The following EMC3 variants were observed in gnomAD, a reference collection of about 807,000 sequenced individuals.
The protein encoded by EMC3 is ER membrane protein complex subunit 3.
Under a neutral mutation model 36.6 loss-of-function variants are expected in EMC3, and 13 were observed. The ratio of observed to expected loss-of-function variants is 0.35; its 90% CI spans 0.23 to 0.56. EMC3 has a LOEUF of 0.56. EMC3 is among the 20% of genes least tolerant of loss of function. EMC3 has a pLI of 0.84. For missense variants in EMC3, 220 were observed against 324.5 expected, an observed-to-expected ratio of 0.68 and a Z score of 2.47; for synonymous variants, 120 against 111.9, an observed-to-expected ratio of 1.07 and a Z score of -0.46.
intron 7 of EMC3, among the ~76,000 whole-genome samples, chr3:9,967,574 C>A (rs1019943394): frequency 2.0e-5 from 3 of 152,178 alleles, no homozygotes; most frequent in African/African-American, 7.2e-5. Flanking sequence ...ACCTATATCT[C>A]TCCTTATGCC....
chr3:9,998,263 G>T (rs2086152149), intron 1 of EMC3, among the ~76,000 whole-genome samples: 1 of 151,412 alleles, frequency 6.6e-6, no homozygotes, highest in Non-Finnish European at 1.5e-5. Context: ...CTACTTGGGA[G>T]GCTGAGGCAG....
intron 1 of EMC3, among the ~76,000 whole-genome samples, chr3:9,985,525 T>G (rs959603473): frequency 6.6e-6 from 1 of 152,212 alleles, no homozygotes; most frequent in African/African-American, 2.4e-5. Flanking sequence ...GGGAGAAAAC[T>G]ATTACTTTAA....
intron 1 of EMC3, among the ~76,000 whole-genome samples, chr3:9,978,484 ATAGTCTT>A (rs1287365387): frequency 6.6e-6 from 1 of 152,128 alleles, no homozygotes; most frequent in Non-Finnish European, 1.5e-5. Context: ...AGTAATGGAA[ATAGTCTT>A]GAAACGTGAA....
upstream of EMC3, among the ~76,000 whole-genome samples, chr3:9,991,192 C>T (rs2086047773): frequency 1.3e-5 from 2 of 152,110 alleles, no homozygotes; most frequent in African/African-American, 4.8e-5. Context: ...AAATTTTTAG[C>T]TTCAAGTGAT....
At chr3:9,969,380 T>C (rs1308228414) in intron 7 of EMC3, 1 of 1,150,002 alleles carries the variant, frequency 8.7e-7, no homozygotes, top group Admixed American at 4.6e-5. Flanking sequence ...GTATTGTTTT[T>C]TTAATGCAAT....
At chr3:10,001,257 C>A (rs2086195535) in intron 1 of EMC3, among the ~76,000 whole-genome samples, 1 of 151,998 alleles carries the variant, frequency 6.6e-6, no homozygotes, top group Non-Finnish European at 1.5e-5. Context: ...TATTTTGGCA[C>A]CCTTGTCAAA....
intron 1 of EMC3, among the ~76,000 whole-genome samples, chr3:9,999,695 C>T (rs1199372972): frequency 2.0e-5 from 3 of 152,070 alleles, no homozygotes; most frequent in African/African-American, 4.8e-5. Context: ...TTTATGTTTT[C>T]GAATGGTTCT....
chr3:9,976,612 T>A (rs2085852906), intron 3 of EMC3, among the ~76,000 whole-genome samples: 1 of 152,200 alleles, frequency 6.6e-6, no homozygotes, highest in Non-Finnish European at 1.5e-5. Context: ...AGGCACTGGG[T>A]GACAGCCAGG....
chr3:9,968,708 G>A lies in EMC3; in HGVS notation c.657+1011C>T, dbSNP rs182384535. 533 of 151,838 alleles carry A rather than the reference G, an allele frequency of 3.5e-3. 12 individuals are homozygous for A. The South Asian group carries it at 0.046, about 13-fold the overall frequency. The allele number at this position is 151,838 out of a possible 1,614,324, so 9.4% of individuals were successfully genotyped here. A position where few individuals can be genotyped will look rare whatever the true frequency, so the allele number is the denominator to read the frequency against. On this transcript the variant is annotated intron_variant, in intron 7 of 7. Coordinates refer to ENST00000245046, the MANE Select transcript of EMC3 (RefSeq NM_001394674.1). The stretch of plus-strand genomic sequence containing the variant: ...CATCCAGGCTGGAGTGCAGTGGCAC[G>A]ATCTTGGCTCACTACAGCCTCCGCC...
At chr3:10,008,017 A>G (rs1221050202) in intron 1 of EMC3, among the ~76,000 whole-genome samples, 1 of 152,124 alleles carries the variant, frequency 6.6e-6, no homozygotes, top group African/African-American at 2.4e-5. Flanking sequence ...TGTCCTTTAA[A>G]TCCACATTGG....
At position 9,986,587 on chromosome 3, in the gene EMC3, G is replaced by A; in HGVS notation, c.75C>T (p.Phe25=). The A allele has an allele frequency of 6.2e-7, 1 of 1,614,222 alleles. No homozygotes were observed. The highest frequency in any genetic ancestry group is 8.5e-7 in the Non-Finnish European group (1 of 1,180,036). Residue 25 remains phenylalanine (F), a synonymous_variant, in exon 1 of 8, where the codon TTC becomes TTT. Transcript: ENST00000245046. ...CGTAGTGGCGGATCATGCCTACGAA[G>A]AAAGTGATGATAACGATGGGTAGGA... ...WVVLPIVIIT[F]FVGMIRHYVS... is the part of the protein sequence containing the mutation.
At chr3:9,990,187 G>A (rs2086031002), upstream of EMC3, among the ~76,000 whole-genome samples, 1 of 151,472 alleles carries the variant, frequency 6.6e-6, no homozygotes, top group Non-Finnish European at 1.5e-5. Flanking sequence ...ACCACGCCCG[G>A]CTAATTTTTT....
At chr3:9,973,050 A>C (rs1470325012) in intron 5 of EMC3, among the ~76,000 whole-genome samples, 1 of 149,636 alleles carries the variant, frequency 6.7e-6, no homozygotes, top group Admixed American at 6.7e-5. Context: ...GGATGGTCTC[A>C]ATCTGACCTG....
intron 1 of EMC3, among the ~76,000 whole-genome samples, chr3:10,001,098 C>T (rs56387520): frequency 0.22 from 34,073 of 151,782 alleles, 4,393 homozygotes; most frequent in African/African-American, 0.36. Context: ...AAGGTTTTCT[C>T]TTATTTTCTT....
intron 5 of EMC3, 65 bp downstream of exon 5, chr3:9,973,563 G>A: frequency 6.9e-7 from 1 of 1,446,114 alleles, no homozygotes; most frequent in Admixed American, 1.7e-5. Context: ...GGGCTCAAGT[G>A]ATCCTCCCGC....
intron 2 of EMC3, 114 bp downstream of exon 2, chr3:9,977,275 T>G: frequency 9.8e-7 from 1 of 1,016,146 alleles, no homozygotes; most frequent in Non-Finnish European, 1.4e-6. Flanking sequence ...AGGCCACAGC[T>G]TAATTACTAA....
At chr3:9,991,641 A>C (rs553181343), upstream of EMC3, among the ~76,000 whole-genome samples, 1 of 152,124 alleles carries the variant, frequency 6.6e-6, no homozygotes, top group South Asian at 2.1e-4. Context: ...CAGCCTCCCA[A>C]AGCAGTGGGA....
chr3:9,989,638 A>G (rs1338343573), upstream of EMC3, among the ~76,000 whole-genome samples: 1 of 152,202 alleles, frequency 6.6e-6, no homozygotes, highest in Non-Finnish European at 1.5e-5. Context: ...CAATGAAAAA[A>G]ATGAATAACT....
At position 9,963,706 on chromosome 3, in the gene EMC3, G is replaced by C. The variant is rs1430952247; in HGVS notation, c.*363C>G. 1 of 168,448 alleles carries C rather than the reference G, an allele frequency of 5.9e-6. No homozygotes were observed. The highest frequency in any genetic ancestry group is 2.4e-5 in the African/African-American group (1 of 41,456). The allele number at this position is 168,448 out of a possible 1,614,324, so 10.4% of individuals were successfully genotyped here. ...TTGGCCAGGCTGATCTTGAACTCCT[G>C]ATCTCGTGACCCACCCGCCTCAGCC... On this transcript the variant is annotated 3_prime_UTR_variant, in exon 8 of 8. Coordinates refer to ENST00000245046, the MANE Select transcript of EMC3 (RefSeq NM_001394674.1).
Sources: gnomAD v4.1 joint callset for allele counts (sites outside exome capture counted in the v4.1 genomes callset) on GRCh38, gnomAD v4.1.1 for gene constraint, MANE v1.5 for transcripts, NCBI Gene and HGNC (gene_info 2026-07-23, HGNC 2026-07-21) for gene names.